Variants in ZNF782 observed in about 807,000 individuals in gnomAD.
ZNF782 encodes zinc finger protein 782.
A neutral mutation model predicts 13.0 loss-of-function variants in ZNF782; 12 were observed. The observed-to-expected ratio is 0.92, with a 90% CI of 0.59 to 1.50. The LOEUF is 1.50. Among genes scored for constraint, ZNF782 ranks in the 40% most tolerant of loss-of-function variants. ZNF782 has a pLI of 0.00. For synonymous variants in ZNF782, 284 were observed against 283.0 expected, an observed-to-expected ratio of 1.00 and a Z score of -0.04; for missense variants, 770 against 822.9, an observed-to-expected ratio of 0.94 and a Z score of 0.79.
chr9:96,822,343 C>A (rs1588147864), intron 5 of ZNF782, among the ~76,000 whole-genome samples: 1 of 152,268 alleles, frequency 6.6e-6, no homozygotes, highest in African/African-American at 2.4e-5. Flanking sequence ...AGAGACCATT[C>A]TTTTTAGTGG....
At chr9:96,912,556 T>C in the ZNF782 span, among the ~76,000 whole-genome samples, 32 of 150,436 alleles carry the variant, frequency 2.1e-4, no homozygotes, top group African/African-American at 6.1e-4. Flanking sequence ...TGAGATGGAG[T>C]CTCGCTCTGT....
At chr9:96,839,863 T>C (rs1027929695) in intron 4 of ZNF782, among the ~76,000 whole-genome samples, 1 of 152,238 alleles carries the variant, frequency 6.6e-6, no homozygotes, top group Non-Finnish European at 1.5e-5. Context: ...CATTTTATAG[T>C]TGCATAGTCT....
chr9:96,933,024 G>C, the ZNF782 span, among the ~76,000 whole-genome samples: 48 of 148,716 alleles, frequency 3.2e-4, 1 homozygote, highest in East Asian at 3.4e-3. Context: ...GTCGCCCAGG[G>C]TGGAGAGCAG....
chr9:96,896,225 G>C, the ZNF782 span, among the ~76,000 whole-genome samples: 25 of 152,088 alleles, frequency 1.6e-4, no homozygotes, highest in Non-Finnish European at 2.8e-4. Flanking sequence ...TCTGTTAGTA[G>C]AGACCACCAG....
the ZNF782 span, among the ~76,000 whole-genome samples, chr9:96,912,771 C>G: frequency 6.6e-6 from 1 of 151,384 alleles, no homozygotes; most frequent in Non-Finnish European, 1.5e-5. Context: ...TCATGATCTG[C>G]CCACCTCAGC....
the ZNF782 span, among the ~76,000 whole-genome samples, chr9:96,921,351 G>A: frequency 1.5e-5 from 2 of 133,420 alleles, no homozygotes; most frequent in Admixed American, 7.8e-5. Flanking sequence ...TGGCTAACAC[G>A]GTGAAAGCCT....
intron 1 of ZNF782, among the ~76,000 whole-genome samples, chr9:96,864,762 TG>T (rs987426871): frequency 9.2e-5 from 14 of 151,622 alleles, no homozygotes; most frequent in African/African-American, 3.2e-4. Context: ...CTGGATACAG[TG>T]GCTCATGTCT....
At chr9:96,882,359 A>G in the ZNF782 span, among the ~76,000 whole-genome samples, 1 of 152,130 alleles carries the variant, frequency 6.6e-6, no homozygotes, top group Non-Finnish European at 1.5e-5. Context: ...TGGCCAGTAC[A>G]TTTCGCATTA....
the ZNF782 span, chr9:96,887,912 G>A: frequency 6.6e-6 from 1 of 150,478 alleles, no homozygotes; most frequent in Non-Finnish European, 1.5e-5. Context: ...GCAAACTATT[G>A]CAAAGACAAA....
In ZNF782 at chr9:96,818,530, C is replaced by A. The variant is rs776124109; in HGVS notation, c.1493G>T (p.Arg498Ile). The A allele has an allele frequency of 6.2e-7, 1 of 1,613,662 alleles. No individual in the cohort carries two copies. Among genetic ancestry groups the A allele is most frequent in the Non-Finnish European group, 8.5e-7 (1 of 1,179,938 alleles). The stretch of plus-strand genomic sequence containing the variant: ...ATATGGTCTTTCCCCTGTGTGAGTT[C>A]TTCGGTGATTCCTTAGGCCTGACAT... ...SHMSGLRNHR[R>I]THTGERPYKC... Residue 498 changes from arginine (R) to isoleucine (I), a missense_variant, in exon 6 of 6, where the codon AGA (arginine) becomes ATA (isoleucine). By Grantham distance (97) the Arg-to-Ile change is moderately conservative. Coordinates refer to ENST00000481138, the MANE Select transcript of ZNF782 (RefSeq NM_001001662.3).
chr9:96,929,373 A>G, the ZNF782 span, among the ~76,000 whole-genome samples: 5 of 151,892 alleles, frequency 3.3e-5, no homozygotes, highest in South Asian at 1.0e-3. Flanking sequence ...CCCAGGGAGA[A>G]TGACGGGCAA....
upstream of ZNF782, among the ~76,000 whole-genome samples, chr9:96,858,386 C>T (rs1047856586): frequency 6.6e-6 from 1 of 152,186 alleles, no homozygotes; most frequent in Non-Finnish European, 1.5e-5. This position sits in a 1 kb window ranked among gnomAD's most constrained non-coding sequence, Gnocchi z 4.4. Context: ...ACAACCACAA[C>T]AGCACTTTGG....
the ZNF782 span, chr9:96,887,280 A>T: frequency 1.4e-5 from 2 of 144,616 alleles, no homozygotes; most frequent in Non-Finnish European, 3.0e-5. Context: ...CTCCATTGCA[A>T]AAAAGAAAGG....
At chr9:96,903,377 T>A in the ZNF782 span, among the ~76,000 whole-genome samples, 1 of 151,636 alleles carries the variant, frequency 6.6e-6, no homozygotes, top group Non-Finnish European at 1.5e-5. Flanking sequence ...CTGGGTCCCT[T>A]TTTTTGCCGG....
chr9:96,873,576 G>A (rs999218679), intron 1 of ZNF782, among the ~76,000 whole-genome samples: 1 of 152,162 alleles, frequency 6.6e-6, no homozygotes, highest in Admixed American at 6.5e-5. Context: ...GGCATCTGCC[G>A]ATGTTCCTAG....
intron 4 of ZNF782, among the ~76,000 whole-genome samples, chr9:96,832,161 G>T: frequency 6.6e-6 from 1 of 151,060 alleles, no homozygotes; most frequent in Non-Finnish European, 1.5e-5. Context: ...TTTTTTTAGT[G>T]GTTACTCTAT....
intron 5 of ZNF782, among the ~76,000 whole-genome samples, chr9:96,823,393 C>T (rs548818001): frequency 1.3e-5 from 2 of 152,314 alleles, no homozygotes; most frequent in South Asian, 2.1e-4. Context: ...CCTCAGAACA[C>T]TTGCAGTTTT....
chr9:96,825,178 A>C (rs1448418804), intron 5 of ZNF782, among the ~76,000 whole-genome samples: 2 of 152,040 alleles, frequency 1.3e-5, no homozygotes, highest in Non-Finnish European at 2.9e-5. Flanking sequence ...ACAGTAACCA[A>C]AACAGCATGG....
chr9:96,912,211 A>C, the ZNF782 span, among the ~76,000 whole-genome samples: 1 of 149,636 alleles, frequency 6.7e-6, no homozygotes, highest in African/African-American at 2.4e-5. Flanking sequence ...AAAAAAAAAA[A>C]AAAAAAAAAA....
Sources: allele counts gnomAD v4.1 joint callset (sites outside exome capture counted in the v4.1 genomes callset), GRCh38; gene constraint gnomAD v4.1.1; non-coding constraint Gnocchi (gnomAD v3.1); transcripts MANE v1.5; gene names NCBI Gene and HGNC (gene_info 2026-07-23, HGNC 2026-07-21).